Variants in CTNNA2 observed in about 807,000 individuals in gnomAD.
The protein encoded by CTNNA2 is catenin alpha 2.
CTNNA2 carries 42 observed loss-of-function variants against 101.0 expected under a neutral mutation model. That is an observed-to-expected ratio of 0.42 (90% confidence interval 0.32 to 0.54). The LOEUF is 0.54. Among genes scored for constraint, CTNNA2 ranks in the 20% least tolerant of loss-of-function variants. The probability of loss-of-function intolerance (pLI) is 0.14; values close to 1 mark genes in which losing one functional copy is unlikely to be tolerated. For missense variants in CTNNA2, 871 were observed against 1,223.1 expected (o/e 0.71, Z 4.29); for synonymous variants, 450 against 456.4 (o/e 0.99, Z 0.18).
intron 2 of CTNNA2, among the ~76,000 whole-genome samples, chr2:79,662,409 A>G (rs567850946): frequency 6.6e-6 from 1 of 152,318 alleles, no homozygotes; most frequent in South Asian, 2.1e-4. Context: ...AAAAATAATG[A>G]TATCTTTATG....
chr2:80,277,653 C>T (rs1240688361), intron 7 of CTNNA2, among the ~76,000 whole-genome samples: 2 of 149,760 alleles, frequency 1.3e-5, no homozygotes, highest in African/African-American at 2.5e-5. Flanking sequence ...GTGAGAGGAA[C>T]AAAATGAGAA....
intron 4 of CTNNA2, among the ~76,000 whole-genome samples, chr2:79,867,604 A>G (rs1682238719): frequency 6.6e-6 from 1 of 152,180 alleles, no homozygotes; most frequent in Non-Finnish European, 1.5e-5. Context: ...GAAAGACCCC[A>G]TTCTTGGTGT....
intron 18 of CTNNA2, among the ~76,000 whole-genome samples, chr2:80,646,930 G>A (rs970267804): frequency 2.0e-5 from 3 of 152,082 alleles, no homozygotes; most frequent in Non-Finnish European, 4.4e-5. Flanking sequence ...GTTAACAAGA[G>A]CTAAGTGGGA....
chr2:80,465,121 C>T (rs76453973), intron 9 of CTNNA2, among the ~76,000 whole-genome samples: 4,414 of 152,228 alleles, frequency 0.029, 202 homozygotes, highest in African/African-American at 0.095. Context: ...GGAATCTTGC[C>T]ATGACTTGTT....
intron 7 of CTNNA2, among the ~76,000 whole-genome samples, chr2:79,994,147 G>A (rs1311207140): frequency 6.6e-6 from 1 of 151,980 alleles, no homozygotes; most frequent in African/African-American, 2.4e-5. Context: ...TGAACTCCTG[G>A]GCTCAAATGA....
chr2:79,835,726 G>A (rs956710360), intron 3 of CTNNA2, among the ~76,000 whole-genome samples: 30 of 113,354 alleles, frequency 2.6e-4, no homozygotes, highest in Non-Finnish European at 2.3e-4. Flanking sequence ...TGCTGTGCCC[G>A]GATTCAAGCA....
chr2:80,399,362 G>A (rs114461988), intron 8 of CTNNA2, among the ~76,000 whole-genome samples: 1,604 of 152,246 alleles, frequency 0.011, 9 homozygotes, highest in Middle Eastern at 0.024. Context: ...CTGTTCTCTT[G>A]TCAAGGTACT....
chr2:80,381,113 G>A (rs1676472505), intron 7 of CTNNA2, among the ~76,000 whole-genome samples: 1 of 152,000 alleles, frequency 6.6e-6, no homozygotes, highest in East Asian at 1.9e-4. Flanking sequence ...CTAAGCCTGA[G>A]GAGTGCCAGT....
At chr2:80,038,160 A>C (rs986570587) in intron 7 of CTNNA2, among the ~76,000 whole-genome samples, 8 of 152,194 alleles carry the variant, frequency 5.3e-5, no homozygotes, top group African/African-American at 1.9e-4. Flanking sequence ...GACTCTGCCT[A>C]GTACTGTCAG....
intron 7 of CTNNA2, among the ~76,000 whole-genome samples, chr2:80,041,269 A>AT (rs879379818): frequency 0.01 from 1,500 of 143,736 alleles, 17 homozygotes; most frequent in African/African-American, 0.033. Context: ...AGTAATTTTT[A>AT]TTTTTTTTTT....
intron 3 of CTNNA2, among the ~76,000 whole-genome samples, chr2:79,329,411 G>A (rs1676820412): frequency 6.6e-6 from 1 of 152,176 alleles, no homozygotes. Flanking sequence ...TCTAACTTGT[G>A]ATCAGGTGGC....
chr2:80,072,202 C>T (rs909140406), intron 7 of CTNNA2, among the ~76,000 whole-genome samples: 4 of 152,166 alleles, frequency 2.6e-5, no homozygotes, highest in African/African-American at 9.7e-5. Context: ...TTTCTCGCCT[C>T]CAGTTTTCCA....
At chr2:79,548,003 T>C (rs1673846772) in intron 1 of CTNNA2, 1 of 152,216 alleles carries the variant, frequency 6.6e-6, no homozygotes, top group Non-Finnish European at 1.5e-5. Flanking sequence ...GTTTGTCTTT[T>C]TATTTACACC....
intron 9 of CTNNA2, among the ~76,000 whole-genome samples, chr2:80,474,726 T>A (rs1685586165): frequency 1.3e-5 from 2 of 152,140 alleles, no homozygotes. Flanking sequence ...AGGGTAAATA[T>A]CAACAGAAGA....
At chr2:79,515,807 A>T (rs1195262319) in intron 1 of CTNNA2, among the ~76,000 whole-genome samples, 2 of 152,150 alleles carry the variant, frequency 1.3e-5, no homozygotes, top group African/African-American at 4.8e-5. Flanking sequence ...TCTTTAGTTG[A>T]CTGGACCTTT....
intron 7 of CTNNA2, among the ~76,000 whole-genome samples, chr2:79,956,988 C>G (rs1016011494): frequency 4.6e-5 from 7 of 150,912 alleles, no homozygotes; most frequent in Non-Finnish European, 8.8e-5. Context: ...AGAAAAGTAA[C>G]AAAATCTCAT....
chr2:80,395,472 T>G (rs1036026973), intron 8 of CTNNA2, among the ~76,000 whole-genome samples: 1 of 152,210 alleles, frequency 6.6e-6, no homozygotes, highest in Admixed American at 6.5e-5. Flanking sequence ...GATATTTTTG[T>G]CTTTCTTCTC....
chr2:80,069,271 A>G (rs1056502192), intron 7 of CTNNA2, among the ~76,000 whole-genome samples: 1 of 152,172 alleles, frequency 6.6e-6, no homozygotes, highest in Non-Finnish European at 1.5e-5. Context: ...TACTCAGACT[A>G]CCGATTCAAA....
chr2:79,394,482 A>G (rs183314062), intron 4 of CTNNA2, among the ~76,000 whole-genome samples: 1 of 152,356 alleles, frequency 6.6e-6, no homozygotes, highest in East Asian at 1.9e-4. Flanking sequence ...AAAATACATT[A>G]CAAAAGAGGG....
Sources: gnomAD v4.1 joint callset for allele counts (sites outside exome capture counted in the v4.1 genomes callset) on GRCh38, gnomAD v4.1.1 for gene constraint, MANE v1.5 for transcripts, NCBI Gene and HGNC (gene_info 2026-07-23, HGNC 2026-07-21) for gene names.